Variants in SGCD observed in about 807,000 individuals in gnomAD.
The protein encoded by SGCD is sarcoglycan delta, also known as delta-sarcoglycan.
Under a neutral mutation model 36.6 loss-of-function variants are expected in SGCD, and 18 were observed. That is an observed-to-expected ratio of 0.49 (90% CI 0.34 to 0.73). The LOEUF is 0.73. Among genes scored for constraint, SGCD ranks in the 30% least tolerant of loss-of-function variants. The pLI, the probability that SGCD is intolerant of heterozygous loss-of-function variation, is 0.01. For synonymous variants in SGCD, 133 were observed against 130.6 expected (o/e 1.02, Z -0.12); for missense variants, 387 against 346.7 (o/e 1.12, Z -0.92).
intron 5 of SGCD, among the ~76,000 whole-genome samples, chr5:156,592,486 A>G (rs1430317836): frequency 6.6e-6 from 1 of 152,198 alleles, no homozygotes; most frequent in Admixed American, 6.6e-5. Context: ...AGCTCTTTCA[A>G]GATTTCCTTC....
At chr5:156,396,603 G>T (rs1771863432) in intron 3 of SGCD, among the ~76,000 whole-genome samples, 1 of 152,250 alleles carries the variant, frequency 6.6e-6, no homozygotes, top group Non-Finnish European at 1.5e-5. Context: ...CCGCGGTGTG[G>T]AGCATGGTAG....
At chr5:156,368,991 G>T (rs1770250348) in intron 3 of SGCD, among the ~76,000 whole-genome samples, 1 of 152,182 alleles carries the variant, frequency 6.6e-6, no homozygotes, top group Non-Finnish European at 1.5e-5. Flanking sequence ...TATCAAAAAG[G>T]TTGGGGACCG....
chr5:156,214,087 A>T (rs1764516025), intron 3 of SGCD, among the ~76,000 whole-genome samples: 1 of 151,992 alleles, frequency 6.6e-6, no homozygotes, highest in Non-Finnish European at 1.5e-5. Context: ...TCAAAATAAG[A>T]TTGGAAGTCC....
At chr5:155,887,277 G>A (rs1756026571) in intron 1 of SGCD, among the ~76,000 whole-genome samples, 1 of 152,180 alleles carries the variant, frequency 6.6e-6, no homozygotes, top group Non-Finnish European at 1.5e-5. Flanking sequence ...TCTATTAGAT[G>A]ATCAATCTTT....
At chr5:156,571,124 G>A (rs1759702883) in intron 4 of SGCD, among the ~76,000 whole-genome samples, 1 of 152,118 alleles carries the variant, frequency 6.6e-6, no homozygotes, top group African/African-American at 2.4e-5. Context: ...TCAGCTCACT[G>A]CCACTCTGCC....
intron 1 of SGCD, among the ~76,000 whole-genome samples, chr5:156,095,121 G>A (rs1409016862): frequency 1.8e-4 from 28 of 152,182 alleles, no homozygotes; most frequent in Admixed American, 1.8e-3. Context: ...TGTTCCACAA[G>A]CCACCTCCTG....
chr5:155,942,366 T>TATC, intron 1 of SGCD, among the ~76,000 whole-genome samples: 1 of 42,976 alleles, frequency 2.3e-5, no homozygotes, highest in Non-Finnish European at 5.4e-5. Context: ...ATCTATCTAT[T>TATC]GTCTGCCTAC....
At chr5:156,091,364 G>T (rs1232693805) in intron 1 of SGCD, among the ~76,000 whole-genome samples, 1 of 152,188 alleles carries the variant, frequency 6.6e-6, no homozygotes, top group Non-Finnish European at 1.5e-5. Context: ...AGGCATATTT[G>T]CAGTCAGTGT....
chr5:156,321,486 T>G (rs1434848825), intron 3 of SGCD, among the ~76,000 whole-genome samples: 1 of 152,174 alleles, frequency 6.6e-6, no homozygotes, highest in Non-Finnish European at 1.5e-5. Flanking sequence ...GGCACGATGC[T>G]GAAGTGAGTC....
chr5:156,238,905 G>A (rs1765232483), intron 3 of SGCD, among the ~76,000 whole-genome samples: 1 of 152,128 alleles, frequency 6.6e-6, no homozygotes, highest in African/African-American at 2.4e-5. Flanking sequence ...CTCAAACAGT[G>A]CTCTCCTGGA....
intron 4 of SGCD, among the ~76,000 whole-genome samples, chr5:156,529,614 C>T (rs1282185742): frequency 6.6e-6 from 1 of 152,014 alleles, no homozygotes; most frequent in Non-Finnish European, 1.5e-5. Context: ...AGTGCTCTGT[C>T]ATTGCTATGG....
chr5:156,190,889 T>C (rs1410229297), intron 3 of SGCD, among the ~76,000 whole-genome samples: 5 of 152,130 alleles, frequency 3.3e-5, no homozygotes, highest in Non-Finnish European at 7.4e-5. Flanking sequence ...CTTATAAAAT[T>C]AGCTTCTGAG....
At chr5:155,730,445 CTGTG>C in the SGCD span, among the ~76,000 whole-genome samples, 11 of 137,288 alleles carry the variant, frequency 8.0e-5, no homozygotes, top group African/African-American at 2.2e-4. Flanking sequence ...GGTAGAGCAG[CTGTG>C]TGTGTGTGTG....
At chr5:156,006,421 A>C (rs527937032) in intron 1 of SGCD, among the ~76,000 whole-genome samples, 8 of 152,288 alleles carry the variant, frequency 5.3e-5, no homozygotes, top group Admixed American at 2.0e-4. Flanking sequence ...TAGCTATTGC[A>C]TTCTCCCAAG....
intron 6 of SGCD, among the ~76,000 whole-genome samples, chr5:156,613,395 TAGTC>T (rs1761902166): frequency 6.6e-6 from 1 of 152,348 alleles, no homozygotes; most frequent in South Asian, 2.1e-4. Context: ...TTTGTTGACA[TAGTC>T]AGGGCCAGAA....
At chr5:156,256,844 C>T (rs1279454125) in intron 3 of SGCD, among the ~76,000 whole-genome samples, 2 of 151,994 alleles carry the variant, frequency 1.3e-5, no homozygotes, top group African/African-American at 2.4e-5. Flanking sequence ...TTAGTTTTTG[C>T]TGAGTTGACA....
intron 7 of SGCD, among the ~76,000 whole-genome samples, chr5:156,696,158 C>T (rs1234838109): frequency 6.6e-6 from 1 of 152,092 alleles, no homozygotes; most frequent in East Asian, 1.9e-4. Flanking sequence ...GCCACTCAGT[C>T]GTTGCTACTC....
At chr5:155,869,194 C>T (rs532111258), upstream of SGCD, among the ~76,000 whole-genome samples, 2 of 152,178 alleles carry the variant, frequency 1.3e-5, no homozygotes, top group South Asian at 4.2e-4. Context: ...CTTGTCTTTT[C>T]TTTATTTACT....
intron 7 of SGCD, among the ~76,000 whole-genome samples, chr5:156,728,326 A>C (rs1755877699): frequency 6.6e-6 from 1 of 152,016 alleles, no homozygotes; most frequent in Non-Finnish European, 1.5e-5. Flanking sequence ...CAACCTGGCC[A>C]ACATGGCAAA....
Sources: allele counts gnomAD v4.1 joint callset (sites outside exome capture counted in the v4.1 genomes callset), GRCh38; gene constraint gnomAD v4.1.1; transcripts MANE v1.5; gene names NCBI Gene and HGNC (gene_info 2026-07-23, HGNC 2026-07-21).